The following FAT3 variants were observed in gnomAD, a reference collection of about 807,000 sequenced individuals.
FAT3 encodes protocadherin Fat 3.
Under a neutral mutation model 310.2 loss-of-function variants are expected in FAT3, and 95 were observed. The ratio of observed to expected loss-of-function variants is 0.31; its 90% CI spans 0.26 to 0.36. The LOEUF is 0.36. Ranked by LOEUF, FAT3 falls within the 10% of genes least tolerant of loss-of-function variation. The pLI is 1.00. For synonymous variants in FAT3, 2,314 were observed against 2,192.9 expected (o/e 1.06, Z -1.54); for missense variants, 5,408 against 5,715.6 (o/e 0.95, Z 1.74).
Position 92,469,907 on chromosome 11 carries a change from C to A in FAT3, c.3293-54727C>A, listed in dbSNP as rs564104529. Among the ~76,000 whole-genome samples, 336 of 152,242 alleles carry A rather than the reference C, an allele frequency of 2.2e-3. 1 individual carries two copies. The highest frequency in any genetic ancestry group is 7.6e-3 in the African/African-American group (317 of 41,548). ...ATTGTGTTCCTATTAGACTTTTAAT[C>A]AAGACTTTAGAGTTTTGTTTCATTT... On this transcript the variant is annotated intron_variant, in intron 2 of 27. Coordinates refer to ENST00000525166, the MANE Select transcript of FAT3 (RefSeq NM_001367949.2).
At chr11:92,332,403 A>G (rs963222557) in intron 1 of FAT3, among the ~76,000 whole-genome samples, 1 of 152,238 alleles carries the variant, frequency 6.6e-6, no homozygotes, top group African/African-American at 2.4e-5. Flanking sequence ...TTGGAATTAT[A>G]GCTCTACCAC....
chr11:92,796,742 C>T (rs1476509542), intron 9 of FAT3, among the ~76,000 whole-genome samples: 1 of 152,200 alleles, frequency 6.6e-6, no homozygotes, highest in African/African-American at 2.4e-5. Flanking sequence ...CTTCACACTA[C>T]CCACTGCCTT....
intron 1 of FAT3, among the ~76,000 whole-genome samples, chr11:92,293,830 CA>C (rs1946776033): frequency 6.6e-6 from 1 of 152,034 alleles, no homozygotes; most frequent in East Asian, 1.9e-4. Context: ...CAGACCCTTA[CA>C]CTGCCACTAG....
intron 1 of FAT3, among the ~76,000 whole-genome samples, chr11:92,278,029 G>A (rs753858935): frequency 9.2e-5 from 14 of 152,050 alleles, no homozygotes; most frequent in Non-Finnish European, 1.8e-4. Flanking sequence ...AAGGTGAGCT[G>A]TAATTGCACC....
chr11:92,442,067 A>G (rs1331146773), intron 2 of FAT3, among the ~76,000 whole-genome samples: 1 of 140,124 alleles, frequency 7.1e-6, no homozygotes. Context: ...TGCAAAACTT[A>G]AGAAATATAT....
At chr11:92,465,915 A>C (rs1951748180) in intron 2 of FAT3, among the ~76,000 whole-genome samples, 1 of 152,198 alleles carries the variant, frequency 6.6e-6, no homozygotes, top group African/African-American at 2.4e-5. Flanking sequence ...GATTGGAGAT[A>C]ATTCCTAAGA....
At chr11:92,773,784 A>T (rs746043860) in intron 6 of FAT3, among the ~76,000 whole-genome samples, 18 of 152,024 alleles carry the variant, frequency 1.2e-4, no homozygotes, top group Non-Finnish European at 2.5e-4. Context: ...ATGCTTCACT[A>T]CTCTAACATT....
At chr11:92,816,750 C>A (rs1947835971) in intron 13 of FAT3, among the ~76,000 whole-genome samples, 1 of 151,906 alleles carries the variant, frequency 6.6e-6, no homozygotes, top group Non-Finnish European at 1.5e-5. Flanking sequence ...CGGAGGCGGG[C>A]AGATCACTTC....
intron 2 of FAT3, among the ~76,000 whole-genome samples, chr11:92,474,742 A>C (rs990562146): frequency 7.9e-5 from 12 of 152,182 alleles, no homozygotes; most frequent in Admixed American, 3.9e-4. Flanking sequence ...AAAGAGGTGA[A>C]GGGAAGAGTG....
chr11:92,812,283 A>G (rs987823539), intron 13 of FAT3, among the ~76,000 whole-genome samples: 11 of 152,328 alleles, frequency 7.2e-5, no homozygotes, highest in African/African-American at 2.4e-4. Context: ...GAGTTTGCAC[A>G]TCAATAGCCA....
At chr11:92,284,842 C>T (rs1422342105) in intron 1 of FAT3, among the ~76,000 whole-genome samples, 3 of 152,070 alleles carry the variant, frequency 2.0e-5, no homozygotes, top group Non-Finnish European at 2.9e-5. Context: ...AAGTACAGTG[C>T]TGGCATGTGG....
At chr11:92,628,484 A>G (rs1009175548) in intron 3 of FAT3, among the ~76,000 whole-genome samples, 1 of 99,842 alleles carries the variant, frequency 1.0e-5, no homozygotes, top group African/African-American at 6.0e-5. Context: ...TTCAAGAAAA[A>G]TGCTCTGCCC....
chr11:92,706,118 T>C (rs577964019), intron 4 of FAT3, among the ~76,000 whole-genome samples: 11 of 151,972 alleles, frequency 7.2e-5, no homozygotes, highest in Admixed American at 5.9e-4. Flanking sequence ...GTAGTAATGG[T>C]GGCATGCTTA....
intron 1 of FAT3, among the ~76,000 whole-genome samples, chr11:92,234,055 A>C (rs1425954697): frequency 1.3e-5 from 2 of 152,232 alleles, no homozygotes; most frequent in Non-Finnish European, 2.9e-5. Flanking sequence ...CAAGTGAATA[A>C]ACCTAGATTG....
chr11:92,803,874 G>A (rs1184904324), intron 10 of FAT3, among the ~76,000 whole-genome samples: 1 of 152,168 alleles, frequency 6.6e-6, no homozygotes, highest in Non-Finnish European at 1.5e-5. Context: ...GGCTGATTTG[G>A]TTTCATTGTA....
Position 92,368,837 on chromosome 11 carries a change from T to TATATATATATATACACATACAC in FAT3, c.3292+13444_3292+13445insTACACATACACATATATATATA, listed in dbSNP as rs1949093120. On this transcript the variant is annotated intron_variant, in intron 2 of 27. Coordinates refer to ENST00000525166, the MANE Select transcript of FAT3 (RefSeq NM_001367949.2). ...AACAGTATGTTTGTGTGTATACATA[T>TATATATATATATACACATACAC]ATATATATATACACACATACACATA... Among the ~76,000 whole-genome samples, 31 of 145,256 alleles carry TATATATATATATACACATACAC rather than the reference T, an allele frequency of 2.1e-4. No individual in the cohort carries two copies. In the South Asian group the frequency reaches 6.3e-3, roughly 30 times the overall value.
chr11:92,540,208 G>A (rs1228645786), intron 3 of FAT3, among the ~76,000 whole-genome samples: 2 of 152,030 alleles, frequency 1.3e-5, no homozygotes, highest in African/African-American at 4.8e-5. Context: ...TCTCATCTGC[G>A]GAGCCATCCC....
intron 3 of FAT3, among the ~76,000 whole-genome samples, chr11:92,582,633 G>C (rs1008971176): frequency 2.0e-5 from 3 of 152,020 alleles, no homozygotes; most frequent in Non-Finnish European, 2.9e-5. Flanking sequence ...GATGAAATCT[G>C]CTGGTCTGCA....
At chr11:92,742,692 C>A (rs1406232628) in intron 4 of FAT3, among the ~76,000 whole-genome samples, 1 of 152,178 alleles carries the variant, frequency 6.6e-6, no homozygotes, top group Non-Finnish European at 1.5e-5. Flanking sequence ...TGGAATGATG[C>A]AGCAAGAAGA....
Sources: allele counts gnomAD v4.1 joint callset (sites outside exome capture counted in the v4.1 genomes callset), GRCh38; gene constraint gnomAD v4.1.1; transcripts MANE v1.5; gene names NCBI Gene and HGNC (gene_info 2026-07-23, HGNC 2026-07-21).